Variants in EPHB2 observed in about 807,000 individuals in gnomAD.
The protein encoded by EPHB2 is ephrin type-B receptor 2.
EPHB2 carries 18 observed loss-of-function variants against 96.4 expected under a neutral mutation model. The ratio of observed to expected loss-of-function variants is 0.19; its 90% CI spans 0.13 to 0.28. The LOEUF (loss-of-function observed/expected upper bound fraction) is 0.28. Ranked by LOEUF, EPHB2 falls within the 10% of genes least tolerant of loss-of-function variation. The pLI, the probability that EPHB2 is intolerant of heterozygous loss-of-function variation, is 1.00. For synonymous variants in EPHB2, 506 were observed against 534.1 expected, an observed-to-expected ratio of 0.95 and a Z score of 0.72; for missense variants, 989 against 1,355.4, an observed-to-expected ratio of 0.73 and a Z score of 4.25.
intron 6 of EPHB2, among the ~76,000 whole-genome samples, chr1:22,888,706 T>C (rs2148560487): frequency 6.6e-6 from 1 of 152,326 alleles, no homozygotes; most frequent in East Asian, 1.9e-4. Flanking sequence ...GCATCTCCAA[T>C]GTGCCAGGCA....
chr1:22,718,915 A>G (rs1271631286), intron 1 of EPHB2, among the ~76,000 whole-genome samples: 3 of 152,104 alleles, frequency 2.0e-5, no homozygotes, highest in Non-Finnish European at 4.4e-5. Flanking sequence ...CACTTCTAGA[A>G]TGTGCCTCCC....
intron 1 of EPHB2, among the ~76,000 whole-genome samples, chr1:22,719,148 G>A (rs923370659): frequency 2.6e-5 from 4 of 152,190 alleles, no homozygotes; most frequent in Admixed American, 2.0e-4. Flanking sequence ...AGAGAATGGA[G>A]ACTACGAAAC....
At chr1:22,763,089 C>T (rs1386489678) in intron 1 of EPHB2, among the ~76,000 whole-genome samples, 1 of 152,138 alleles carries the variant, frequency 6.6e-6, no homozygotes, top group East Asian at 1.9e-4. Flanking sequence ...GCAGGGGTTC[C>T]CTGCCAGGAT....
intron 1 of EPHB2, among the ~76,000 whole-genome samples, chr1:22,715,343 C>T (rs1469377538): frequency 6.6e-6 from 1 of 152,060 alleles, no homozygotes; most frequent in Admixed American, 6.5e-5. Context: ...TCAGATGGGC[C>T]AGCAGCCACT....
rs567475875 is a variant in EPHB2 at position 22,784,777 on chromosome 1, G to A, written c.512G>A (p.Arg171His). 41 of 1,606,766 alleles carry A rather than the reference G, an allele frequency of 2.6e-5. No individual in the cohort carries two copies. Among genetic ancestry groups the A allele is most frequent in the Middle Eastern group, 1.7e-4 (1 of 6,052 alleles). ...TEVRSFGPVS[R>H]SGFYLAFQDY... is the part of the protein sequence containing the mutation. ...GTGCGGAGCTTCGGACCTGTGTCCC[G>A]CAGCGGCTTCTACCTGGCCTTCCAG... is the stretch of plus-strand genomic sequence containing the variant. The change falls in exon 3 of 16, where the codon CGC (arginine) becomes CAC (histidine). Residue 171 changes from arginine to histidine, a missense_variant. Physicochemically the swap from Arg to His is conservative, Grantham distance 29. Coordinates refer to ENST00000374630, the MANE Select transcript of EPHB2 (RefSeq NM_017449.5). This position sits in a 1 kb window ranked among gnomAD's most constrained non-coding sequence, Gnocchi z 5.1.
chr1:22,735,493 G>T lies in EPHB2; in HGVS notation c.61+24450G>T, dbSNP rs544239342. On this transcript the variant is annotated intron_variant, in intron 1 of 15. Transcript: ENST00000374630. ...CAGAAGTAGAACCAGGGCCTCTAAG[G>T]AAGTTTACAGTCCATACTTTCTGCC... is the stretch of plus-strand genomic sequence containing the variant. 5.3e-5 allele frequency among the ~76,000 whole-genome samples: 8 copies of T among 151,958 alleles called. No homozygotes were observed. In the South Asian group the frequency reaches 1.7e-3, roughly 32 times the overall value.
intron 1 of EPHB2, among the ~76,000 whole-genome samples, chr1:22,748,012 G>A (rs1311808188): frequency 1.3e-5 from 2 of 152,214 alleles, no homozygotes; most frequent in African/African-American, 2.4e-5. Context: ...AGCTGAGAAC[G>A]AGTATGACTC....
At chr1:22,776,404 C>T (rs904433697) in intron 1 of EPHB2, among the ~76,000 whole-genome samples, 2 of 152,208 alleles carry the variant, frequency 1.3e-5, no homozygotes, top group African/African-American at 4.8e-5. Flanking sequence ...TGTACATCCT[C>T]ATTGTGATCT....
At chr1:22,847,912 T>C (rs896662803) in intron 3 of EPHB2, among the ~76,000 whole-genome samples, 3 of 152,226 alleles carry the variant, frequency 2.0e-5, no homozygotes, top group Admixed American at 2.0e-4. Flanking sequence ...AATACCCTAT[T>C]CAAGTGGCTC....
At chr1:22,843,962 C>T (rs879505944) in intron 3 of EPHB2, among the ~76,000 whole-genome samples, 1 of 152,260 alleles carries the variant, frequency 6.6e-6, no homozygotes, top group Non-Finnish European at 1.5e-5. Context: ...CCTCCAGCTC[C>T]ATCCACGCTG....
rs1028287577 is a variant in EPHB2 at position 22,860,897 on chromosome 1, C to T, written c.812-2140C>T. Among the ~76,000 whole-genome samples, 1 of 152,074 alleles carries T rather than the reference C, an allele frequency of 6.6e-6. No individual in the cohort carries two copies. The highest frequency in any genetic ancestry group is 2.4e-5 in the African/African-American group (1 of 41,406). ...TGAGGCTGCCCCTTCATCCAGCCATCAGGGAAAGGTCGGTGCCCAAGAGGA... is the reference window on the plus strand; with the variant it reads ...TGAGGCTGCCCCTTCATCCAGCCATTAGGGAAAGGTCGGTGCCCAAGAGGA... On this transcript the variant is annotated intron_variant, in intron 3 of 15. Coordinates refer to ENST00000374630, the MANE Select transcript of EPHB2 (RefSeq NM_017449.5). The surrounding 1 kb of genome is among the most constrained non-coding windows in gnomAD (Gnocchi z 4.6).
At chr1:22,885,602 G>A (rs181106331) in intron 6 of EPHB2, among the ~76,000 whole-genome samples, 22 of 152,378 alleles carry the variant, frequency 1.4e-4, no homozygotes, top group Non-Finnish European at 2.4e-4. Flanking sequence ...GAGGCACGGA[G>A]AAGTTCCATA....
chr1:22,896,435 C>T lies in EPHB2; in HGVS notation c.1722C>T (p.Asp574=), dbSNP rs56264796. The T allele has an allele frequency of 1.5e-3, 2,427 of 1,614,156 alleles. 46 individuals are homozygous for T. In the East Asian group the frequency reaches 0.042, roughly 28 times the overall value. The change falls in exon 9 of 16, where the codon GAC becomes GAT. Residue 574 remains aspartate (D), a synonymous_variant. Coordinates refer to ENST00000374630, the MANE Select transcript of EPHB2 (RefSeq NM_017449.5). ...GAAGACGGGGGTTTGAGCGTGCTGACTCGGAGTACACGGACAAGCTGCAAC... is the reference window on the plus strand; with the variant it reads ...GAAGACGGGGGTTTGAGCGTGCTGATTCGGAGTACACGGACAAGCTGCAAC... ...VCNRRGFERA[D]SEYTDKLQHY...
intron 1 of EPHB2, among the ~76,000 whole-genome samples, chr1:22,738,857 C>T (rs1427417243): frequency 1.3e-5 from 2 of 152,106 alleles, no homozygotes; most frequent in Non-Finnish European, 1.5e-5. Context: ...AACCTCTAGA[C>T]CAAGGTGCCC....
chr1:22,748,656 A>G (rs1388300307), intron 1 of EPHB2, among the ~76,000 whole-genome samples: 1 of 151,786 alleles, frequency 6.6e-6, no homozygotes, highest in African/African-American at 2.4e-5. Flanking sequence ...CTGAGATTAC[A>G]GGCGTGAGCC....
chr1:22,779,075 T>C (rs1644492401), intron 1 of EPHB2, among the ~76,000 whole-genome samples: 1 of 152,192 alleles, frequency 6.6e-6, no homozygotes, highest in African/African-American at 2.4e-5. Flanking sequence ...CCAGCAGCTG[T>C]TCCCTGGGCC....
chr1:22,716,017 A>G (rs1369636277), intron 1 of EPHB2, among the ~76,000 whole-genome samples: 2 of 152,168 alleles, frequency 1.3e-5, no homozygotes, highest in African/African-American at 4.8e-5. Context: ...TTGTCCAGGC[A>G]CCAGATCAGC....
At chr1:22,834,917 T>G (rs1369975088) in intron 3 of EPHB2, among the ~76,000 whole-genome samples, 4 of 151,108 alleles carry the variant, frequency 2.6e-5, no homozygotes, top group Admixed American at 1.3e-4. Flanking sequence ...AGAGCAAGAC[T>G]CTGTCTCAAA....
chr1:22,788,747 G>GTTTTTTTT (rs1302258024), intron 3 of EPHB2, among the ~76,000 whole-genome samples: 18 of 90,680 alleles, frequency 2.0e-4, no homozygotes, highest in South Asian at 8.0e-4. Context: ...TTTGTCTTTT[G>GTTTTTTTT]TTTTTGTTTT....
Sources: gnomAD v4.1 joint callset for allele counts (sites outside exome capture counted in the v4.1 genomes callset) on GRCh38, gnomAD v4.1.1 for gene constraint, Gnocchi (gnomAD v3.1) non-coding constraint, MANE v1.5 for transcripts, NCBI Gene and HGNC (gene_info 2026-07-23, HGNC 2026-07-21) for gene names.